QSER1: variants seen among roughly 807,000 people sequenced by gnomAD.
QSER1 encodes the protein glutamine and serine-rich protein 1.
In QSER1, 49 loss-of-function variants were observed where a neutral mutation model predicts 158.5. The observed-to-expected ratio is 0.31, with a 90% confidence interval of 0.25 to 0.39. QSER1 has a LOEUF of 0.39. QSER1 is among the 10% of genes least tolerant of loss of function. The pLI is 1.00. For missense variants in QSER1, 1,754 were observed against 2,010.3 expected (o/e 0.87, Z 2.44); for synonymous variants, 650 against 715.5 (o/e 0.91, Z 1.46).
At chr11:32,965,331 TCTCAAACTCCTGGG>T (rs1368895977) in intron 8 of QSER1, among the ~76,000 whole-genome samples, 7 of 151,940 alleles carry the variant, frequency 4.6e-5, no homozygotes, top group African/African-American at 1.7e-4. Flanking sequence ...CCCAAGCTGG[TCTCAAACTCCTGGG>T]CTCAAGCAGT....
chr11:32,974,259 C>CT (rs1160506912), intron 11 of QSER1, among the ~76,000 whole-genome samples: 2 of 151,910 alleles, frequency 1.3e-5, no homozygotes, highest in Non-Finnish European at 2.9e-5. Flanking sequence ...CATGTCTACC[C>CT]TGGGGGGAGA....
intron 3 of QSER1, among the ~76,000 whole-genome samples, chr11:32,928,443 G>T (rs917204417): frequency 6.6e-6 from 1 of 152,234 alleles, no homozygotes; most frequent in African/African-American, 2.4e-5. Flanking sequence ...ATTTATTTTA[G>T]TGACTTCAGA....
At chr11:32,975,145 T>C in intron 11 of QSER1, 103 bp from the exon 12 acceptor site, 1 of 713,938 alleles carries the variant, frequency 1.4e-6, no homozygotes, top group Non-Finnish European at 2.2e-6. Flanking sequence ...ATATATGTCA[T>C]TTTCAACATT....
At chr11:32,923,585 G>A (rs1220410098) in intron 1 of QSER1, among the ~76,000 whole-genome samples, 1 of 152,010 alleles carries the variant, frequency 6.6e-6, no homozygotes, top group Non-Finnish European at 1.5e-5. Flanking sequence ...GGCTGAGGCA[G>A]GAGAATTGCT....
At chr11:32,901,637 C>T (rs756764298) in intron 1 of QSER1, among the ~76,000 whole-genome samples, 49 of 152,210 alleles carry the variant, frequency 3.2e-4, no homozygotes, top group Non-Finnish European at 1.2e-4. Context: ...AAAGCAGTCC[C>T]TGGTCCATTG....
intron 4 of QSER1, among the ~76,000 whole-genome samples, chr11:32,937,397 T>A (rs1296522078): frequency 6.6e-6 from 1 of 152,096 alleles, no homozygotes; most frequent in Non-Finnish European, 1.5e-5. Context: ...CAATCTTCCT[T>A]CCTCAGCCTC....
intron 1 of QSER1, among the ~76,000 whole-genome samples, chr11:32,895,809 T>C (rs1236372216): frequency 6.6e-6 from 1 of 152,212 alleles, no homozygotes; most frequent in African/African-American, 2.4e-5. Flanking sequence ...CATCAGTTGA[T>C]GGGAAGGTAC....
intron 3 of QSER1, among the ~76,000 whole-genome samples, chr11:32,930,308 C>T (rs1189401110): frequency 2.0e-5 from 3 of 152,120 alleles, no homozygotes; most frequent in East Asian, 1.9e-4. Context: ...ACTATGTTAT[C>T]TCAAAAGTCT....
Position 32,976,827 on chromosome 11 carries a change from T to C in QSER1, c.*353T>C, listed in dbSNP as rs921117742. The C allele has an allele frequency of 4.9e-6, 1 of 204,790 alleles. No individual in the cohort carries two copies. Among genetic ancestry groups the C allele is most frequent in the Non-Finnish European group, 9.7e-6 (1 of 103,056 alleles). The allele number at this position is 204,790 out of a possible 1,614,324, so 12.7% of individuals were successfully genotyped here. On this transcript the variant is annotated 3_prime_UTR_variant, in exon 13 of 13. Coordinates refer to ENST00000650167, the MANE Select transcript of QSER1 (RefSeq NM_001076786.3). ...GAGAAGTAACACTTAAAGTAACGAT[T>C]TTTTTTTTCTGACTCCGGCTAAACA...
chr11:32,925,494 T>TTTTATTTATTTATTTA (rs374397828), intron 1 of QSER1, among the ~76,000 whole-genome samples: 24 of 143,568 alleles, frequency 1.7e-4, no homozygotes, highest in South Asian at 4.6e-4. Context: ...TACATCGCTT[T>TTTTATTTATTTATTTA]TTTATTTATT....
chr11:32,955,303 TA>T lies in QSER1; in HGVS notation c.4513del (p.Thr1505GlnfsTer52). The stretch of plus-strand genomic sequence containing the variant: ...TAATTCTGGTTATTACAGGAGGCTT[TA>T]AAAACAGGAAAAGAACCTCCAGCTA... ...IEDIETFKEA[L>X]KTGKEPPAIW... On this transcript the variant is annotated frameshift_variant, in exon 6 of 13. Coordinates refer to ENST00000650167, the MANE Select transcript of QSER1 (RefSeq NM_001076786.3). LOFTEE classifies it high-confidence loss of function. 1 of 1,571,514 alleles carries T rather than the reference TA, an allele frequency of 6.4e-7. No homozygotes were observed. The highest frequency in any genetic ancestry group is 8.7e-7 in the Non-Finnish European group (1 of 1,152,748).
chr11:32,902,982 A>G (rs568303731), intron 1 of QSER1, among the ~76,000 whole-genome samples: 185 of 152,336 alleles, frequency 1.2e-3, no homozygotes, highest in Non-Finnish European at 1.7e-3. Context: ...GCTATTAATC[A>G]TAAGCTTTCA....
At chr11:32,909,021 G>A (rs1417160024) in intron 1 of QSER1, among the ~76,000 whole-genome samples, 8 of 152,126 alleles carry the variant, frequency 5.3e-5, no homozygotes, top group Non-Finnish European at 8.8e-5. Context: ...TTAGCTGGGC[G>A]TGGTGGTACA....
chr11:32,910,697 C>T (rs962523829), intron 1 of QSER1, among the ~76,000 whole-genome samples: 1 of 152,200 alleles, frequency 6.6e-6, no homozygotes, highest in African/African-American at 2.4e-5. Flanking sequence ...TCTGCAGCTA[C>T]ACTGCCAATA....
intron 4 of QSER1, among the ~76,000 whole-genome samples, chr11:32,936,257 C>T (rs943646496): frequency 2.7e-5 from 4 of 148,784 alleles, no homozygotes; most frequent in Non-Finnish European, 5.9e-5. Flanking sequence ...TCTCATTGTT[C>T]AATTCCCACC....
In QSER1 at chr11:32,978,320, G is replaced by A. The variant is rs1237235850; in HGVS notation, c.*1846G>A. On this transcript the variant is annotated 3_prime_UTR_variant, in exon 13 of 13. Coordinates refer to ENST00000650167, the MANE Select transcript of QSER1 (RefSeq NM_001076786.3). ...CATCATAAAATGAATTTTCCAAGTG[G>A]AGAGGAGTAGGAAGCAGCCATATGA... 1 of 152,208 alleles carries A rather than the reference G, an allele frequency of 6.6e-6. No homozygotes were observed. The highest frequency in any genetic ancestry group is 1.5e-5 in the Non-Finnish European group (1 of 68,040). 9.4% of individuals were successfully genotyped at this position (152,208 alleles called of 1,614,324 possible). A position where few individuals can be genotyped will look rare whatever the true frequency, so the allele number is the denominator to read the frequency against.
intron 10 of QSER1, 112 bp downstream of exon 10, chr11:32,969,255 A>G: frequency 1.4e-6 from 1 of 709,208 alleles, no homozygotes; most frequent in Non-Finnish European, 2.3e-6. Context: ...CACCTAATGA[A>G]AATTTGGCTT....
At chr11:32,921,925 T>C (rs117709151) in intron 1 of QSER1, among the ~76,000 whole-genome samples, 2,835 of 152,328 alleles carry the variant, frequency 0.019, 44 homozygotes, top group South Asian at 0.039. Context: ...AGTGTAACAC[T>C]ATAGTCAAGA....
chr11:32,973,715 G>T (rs189360319), intron 11 of QSER1, among the ~76,000 whole-genome samples, 166 bp downstream of exon 11: 2 of 152,306 alleles, frequency 1.3e-5, no homozygotes, highest in East Asian at 3.9e-4. Context: ...ACGCATGGTG[G>T]TTTATTGTTT....
Sources: gnomAD v4.1 joint callset for allele counts (sites outside exome capture counted in the v4.1 genomes callset) on GRCh38, gnomAD v4.1.1 for gene constraint, MANE v1.5 for transcripts, NCBI Gene and HGNC (gene_info 2026-07-23, HGNC 2026-07-21) for gene names.